SAMMSON: variants seen among roughly 807,000 people sequenced by gnomAD.
The protein encoded by SAMMSON is survival associated mitochondrial melanoma specific oncogenic non-coding RNA, also known as long intergenic non-protein coding RNA 1212.
chr3:70,152,502 T>C (rs1001478664), intron 4 of SAMMSON, among the ~76,000 whole-genome samples: 6 of 152,090 alleles, frequency 3.9e-5, no homozygotes, highest in Admixed American at 2.6e-4. Context: ...ATTTTTCTTT[T>C]ACTTTTTCCA....
intron 4 of SAMMSON, among the ~76,000 whole-genome samples, chr3:70,236,547 T>TTAAAGTCCA (rs1701610849): frequency 6.6e-6 from 1 of 152,210 alleles, no homozygotes; most frequent in South Asian, 2.1e-4. Flanking sequence ...TATTAATTTT[T>TTAAAGTCCA]TAAAGTCCAT....
At chr3:70,269,855 T>C (rs796451373) in intron 6 of SAMMSON, among the ~76,000 whole-genome samples, 14 of 152,188 alleles carry the variant, frequency 9.2e-5, no homozygotes, top group African/African-American at 3.4e-4. Flanking sequence ...ACACTAAATA[T>C]CCAAACTTAA....
intron 2 of SAMMSON, among the ~76,000 whole-genome samples, chr3:70,423,101 G>A (rs1575646325): frequency 6.6e-6 from 1 of 151,950 alleles, no homozygotes; most frequent in Non-Finnish European, 1.5e-5. Flanking sequence ...AAAATTGCTT[G>A]TTTAATAAAT....
intron 3 of SAMMSON, among the ~76,000 whole-genome samples, chr3:70,067,130 GAACA>G (rs945539228): frequency 7.2e-5 from 11 of 151,990 alleles, no homozygotes; most frequent in Admixed American, 3.9e-4. Context: ...AACCAGAACT[GAACA>G]AACAAACAAA....
downstream of SAMMSON, among the ~76,000 whole-genome samples, chr3:70,391,427 C>G (rs1701047492): frequency 6.6e-6 from 1 of 151,846 alleles, no homozygotes; most frequent in Non-Finnish European, 1.5e-5. Context: ...CACCTATTTT[C>G]TGGGTTCTCA....
At chr3:70,412,425 T>C (rs1047698193) in intron 2 of SAMMSON, among the ~76,000 whole-genome samples, 1 of 152,222 alleles carries the variant, frequency 6.6e-6, no homozygotes, top group African/African-American at 2.4e-5. Flanking sequence ...ACAGTTTCTT[T>C]AAACTTTGGA....
At chr3:70,194,733 G>A (rs574115861) in intron 4 of SAMMSON, among the ~76,000 whole-genome samples, 2 of 152,312 alleles carry the variant, frequency 1.3e-5, no homozygotes, top group Non-Finnish European at 2.9e-5. Flanking sequence ...TGCATAATTT[G>A]AGGGTATGTA....
chr3:70,067,487 C>T (rs1250457602), intron 3 of SAMMSON, among the ~76,000 whole-genome samples: 2 of 151,904 alleles, frequency 1.3e-5, no homozygotes, highest in Admixed American at 1.3e-4. Flanking sequence ...TTCTTATATA[C>T]CCCTCCACCT....
intron 2 of SAMMSON, among the ~76,000 whole-genome samples, chr3:70,406,083 A>G (rs1042781019): frequency 6.6e-6 from 1 of 152,176 alleles, no homozygotes; most frequent in Non-Finnish European, 1.5e-5. Context: ...AATGTAAACT[A>G]ATGCTTATGT....
intron 4 of SAMMSON, among the ~76,000 whole-genome samples, chr3:70,219,499 T>A (rs1489640447): frequency 6.6e-6 from 1 of 152,144 alleles, no homozygotes; most frequent in Non-Finnish European, 1.5e-5. Context: ...AAGAAATTTT[T>A]CAAAAATTGT....
intron 4 of SAMMSON, among the ~76,000 whole-genome samples, chr3:70,221,796 T>C (rs1206170325): frequency 6.6e-6 from 1 of 152,138 alleles, no homozygotes; most frequent in East Asian, 1.9e-4. Context: ...ATTGTTAAGG[T>C]GGTCTTGCCA....
At chr3:70,416,319 G>C (rs1205419261) in intron 2 of SAMMSON, among the ~76,000 whole-genome samples, 2 of 152,084 alleles carry the variant, frequency 1.3e-5, no homozygotes, top group African/African-American at 4.8e-5. Context: ...CTTTTAAACT[G>C]TATGTGAATT....
rs1246106042 is a variant in SAMMSON, at chr3:70,324,180, TATCTATCTATCTATCTATC to T, written n.740-29979_740-29961del. Reference sequence around the variant, plus strand: ...CTATCTATCTATCTATCTATCTATCTATCTATCTATCTATCTATCATCTATCTATCTATCCACACACACA... The same window carrying T: ...CTATCTATCTATCTATCTATCTATCTATCTATCTATCTATCCACACACACA... On this transcript the variant is annotated intron_variant and non_coding_transcript_variant, in intron 7 of 9. Transcript: ENST00000642114. Among the ~76,000 whole-genome samples the T allele has an allele frequency of 1.4e-4, 15 of 103,886 alleles. No individual in the cohort carries two copies. In the South Asian group the frequency reaches 3.2e-3, roughly 22 times the overall value. 68.2% of individuals were successfully genotyped at this position (103,886 alleles called of 152,430 possible).
In SAMMSON at chr3:70,191,146, A is replaced by G. The variant is rs992862229; in HGVS notation, n.508-57961A>G. Among the ~76,000 whole-genome samples the G allele has an allele frequency of 2.0e-5, 3 of 152,236 alleles. No homozygotes were observed. The East Asian group carries it at 5.8e-4, about 29-fold the overall frequency. On this transcript the variant is annotated intron_variant and non_coding_transcript_variant, in intron 4 of 9. Coordinates refer to ENST00000642114, the Ensembl canonical transcript of SAMMSON. The stretch of plus-strand genomic sequence containing the variant: ...GGAACCATAGGCAGAAAGTGCTGAA[A>G]GAGGAAACAAAGAGGATGTTGGGGA...
At chr3:70,255,454 G>A (rs1257932538) in intron 6 of SAMMSON, among the ~76,000 whole-genome samples, 5 of 152,128 alleles carry the variant, frequency 3.3e-5, no homozygotes, top group African/African-American at 9.7e-5. Context: ...TTTAGAGACA[G>A]AATCTTGCTC....
chr3:70,101,708 G>A (rs560970398), intron 4 of SAMMSON, among the ~76,000 whole-genome samples: 6 of 152,210 alleles, frequency 3.9e-5, no homozygotes, highest in East Asian at 1.9e-4. Flanking sequence ...ATTTATATCC[G>A]TGGTTGCATT....
rs566736770 is a variant in SAMMSON, at chr3:70,247,665, A to T, written n.508-1442A>T. On this transcript the variant is annotated intron_variant and non_coding_transcript_variant, in intron 4 of 9. Coordinates refer to ENST00000642114, the Ensembl canonical transcript of SAMMSON. ...CTAATAGCACAAGGTAACTATTTTT[A>T]TCCCAATCATCATTATCATTGGTTT... 5.5e-3 allele frequency among the ~76,000 whole-genome samples: 833 copies of T among 152,022 alleles called. 8 individuals are homozygous for T. Among genetic ancestry groups the T allele is most frequent in the African/African-American group, 0.019 (795 of 41,534 alleles).
Position 70,214,891 on chromosome 3 carries a change from ATAGT to A in SAMMSON, n.508-34212_508-34209del, listed in dbSNP as rs1270404989. Among the ~76,000 whole-genome samples the A allele has an allele frequency of 3.9e-5, 6 of 152,104 alleles. No homozygotes were observed. The East Asian group carries it at 9.7e-4, about 24-fold the overall frequency. ...AAAGATTATGTTATCTGAGAAAAAA[ATAGT>A]TAGCAGTTTTTATAGTTTGATGCAC... On this transcript the variant is annotated intron_variant and non_coding_transcript_variant, in intron 4 of 9. Coordinates refer to ENST00000642114, the Ensembl canonical transcript of SAMMSON.
In SAMMSON at chr3:70,247,340, A is replaced by G. The variant is rs545356769; in HGVS notation, n.508-1767A>G. Among the ~76,000 whole-genome samples the G allele has an allele frequency of 3.9e-5, 6 of 152,118 alleles. No homozygotes were observed. The South Asian group carries it at 1.2e-3, about 32-fold the overall frequency. ...GGCAGTATTTCTTACAAGGATGAAA[A>G]CAGAGGAGTTCTGAATGGTTAATGC... On this transcript the variant is annotated intron_variant and non_coding_transcript_variant, in intron 4 of 9. Coordinates refer to ENST00000642114, the Ensembl canonical transcript of SAMMSON.
Sources: gnomAD v4.1 joint callset for allele counts (sites outside exome capture counted in the v4.1 genomes callset) on GRCh38, gnomAD v4.1.1 for gene constraint, MANE v1.5 for transcripts, NCBI Gene and HGNC (gene_info 2026-07-23, HGNC 2026-07-21) for gene names.